The following LRRC7 variants were observed in gnomAD, a reference collection of about 807,000 sequenced individuals.
LRRC7 encodes the protein leucine rich repeat containing 7, also known as leucine-rich repeat-containing protein 7.
Under a neutral mutation model 175.7 loss-of-function variants are expected in LRRC7, and 23 were observed. The ratio of observed to expected loss-of-function variants is 0.13; its 90% CI spans 0.09 to 0.19. The LOEUF is 0.19. LRRC7 is among the 10% of genes least tolerant of loss of function. The pLI, the probability that LRRC7 is intolerant of heterozygous loss-of-function variation, is 1.00. For missense variants in LRRC7, 1,354 were observed against 1,904.7 expected, an observed-to-expected ratio of 0.71 and a Z score of 5.38; for synonymous variants, 685 against 680.9, an observed-to-expected ratio of 1.01 and a Z score of -0.09.
At chr1:70,057,801 TC>T (rs1661267128) in intron 23 of LRRC7, among the ~76,000 whole-genome samples, 1 of 152,146 alleles carries the variant, frequency 6.6e-6, no homozygotes, top group Admixed American at 6.5e-5. Context: ...AAGCTGTGGA[TC>T]CAAAACCTTA....
intron 7 of LRRC7, among the ~76,000 whole-genome samples, chr1:69,854,679 G>A (rs1683384123): frequency 6.6e-6 from 1 of 152,102 alleles, no homozygotes; most frequent in African/African-American, 2.4e-5. Flanking sequence ...GTAAAAATGA[G>A]TATTCCTTTG....
At chr1:69,660,455 G>C (rs556545633) in intron 1 of LRRC7, among the ~76,000 whole-genome samples, 1 of 151,906 alleles carries the variant, frequency 6.6e-6, no homozygotes, top group Admixed American at 6.6e-5. Flanking sequence ...CAATGAATTC[G>C]GCAAAAACGT....
At chr1:69,683,573 G>C (rs1023829231) in intron 2 of LRRC7, among the ~76,000 whole-genome samples, 3 of 152,078 alleles carry the variant, frequency 2.0e-5, no homozygotes, top group African/African-American at 7.2e-5. Context: ...AGAAAAATAT[G>C]TATTTTGAAA....
At position 69,858,032 on chromosome 1, in the gene LRRC7, T is replaced by A. The variant is rs1370605798; in HGVS notation, c.647+19749T>A. On this transcript the variant is annotated intron_variant, in intron 7 of 26. Transcript: ENST00000651989. Reference sequence around the variant, plus strand: ...GGGAAAGGATTCCCTATTTAATAAATGGTGCTGGGAAAACTGGCTAGCCAT... The same window carrying A: ...GGGAAAGGATTCCCTATTTAATAAAAGGTGCTGGGAAAACTGGCTAGCCAT... Among the ~76,000 whole-genome samples the A allele has an allele frequency of 2.6e-5, 4 of 152,250 alleles. No homozygotes were observed. The East Asian group carries it at 7.7e-4, about 29-fold the overall frequency.
At chr1:69,946,187 G>GGA (rs1649291662) in intron 8 of LRRC7, among the ~76,000 whole-genome samples, 1 of 152,084 alleles carries the variant, frequency 6.6e-6, no homozygotes, top group Non-Finnish European at 1.5e-5. Context: ...TCATGAAAAG[G>GGA]TGTTGAATTT....
intron 11 of LRRC7, 124 bp downstream of exon 11, chr1:69,994,757 AT>A (rs1654769007): frequency 1.8e-6 from 1 of 562,842 alleles, no homozygotes; most frequent in Non-Finnish European, 3.1e-6. Flanking sequence ...CTGTCAGCTT[AT>A]TTTAAACCAT....
chr1:70,081,401 G>C (rs1009177357), intron 24 of LRRC7, among the ~76,000 whole-genome samples: 10 of 152,208 alleles, frequency 6.6e-5, no homozygotes, highest in African/African-American at 2.2e-4. Flanking sequence ...ACATCAGCAT[G>C]ATGCTTCAAA....
chr1:69,936,890 G>A (rs1363761220), intron 8 of LRRC7, among the ~76,000 whole-genome samples: 1 of 152,076 alleles, frequency 6.6e-6, no homozygotes, highest in Non-Finnish European at 1.5e-5. Flanking sequence ...TTGTTGCAAA[G>A]GAGATGATTT....
chr1:69,838,416 A>G (rs531403624), intron 7 of LRRC7, 133 bp downstream of exon 7: 1 of 667,528 alleles, frequency 1.5e-6, no homozygotes, highest in Non-Finnish European at 2.7e-6. Context: ...AAGGCCAAAA[A>G]GTATGGTATA....
At chr1:69,870,925 A>C (rs945785508) in intron 7 of LRRC7, among the ~76,000 whole-genome samples, 3 of 152,174 alleles carry the variant, frequency 2.0e-5, no homozygotes, top group Non-Finnish European at 4.4e-5. Context: ...TAGCTTGAAC[A>C]CAATTGCATG....
chr1:69,855,104 T>G (rs1335961416), intron 7 of LRRC7, among the ~76,000 whole-genome samples: 1 of 152,178 alleles, frequency 6.6e-6, no homozygotes, highest in Non-Finnish European at 1.5e-5. Context: ...GGTTGTTAAG[T>G]TTGCAGAGGG....
At chr1:69,661,772 T>G (rs1481915958) in intron 1 of LRRC7, among the ~76,000 whole-genome samples, 1 of 152,212 alleles carries the variant, frequency 6.6e-6, no homozygotes, top group Non-Finnish European at 1.5e-5. Flanking sequence ...GTCATTTATA[T>G]TCTATGTATG....
intron 2 of LRRC7, among the ~76,000 whole-genome samples, chr1:69,742,646 G>T (rs975677917): frequency 1.3e-5 from 2 of 151,792 alleles, no homozygotes; most frequent in South Asian, 2.1e-4. Flanking sequence ...ACTAAATTTT[G>T]CAGTAGCATG....
chr1:69,678,409 C>T lies in LRRC7; in HGVS notation c.31C>T (p.Pro11Ser), dbSNP rs760998348. Reference sequence around the variant, plus strand: ...GGAGAACCTAATAAGGGGAAGGAATCCCCCGCAATACCAGAGAAGTCCTTG... The same window carrying T: ...GGAGAACCTAATAAGGGGAAGGAATTCCCCGCAATACCAGAGAAGTCCTTG... Reference protein sequence around the residue: MMENLIRGRNPPQYQRSPCKE... With the variant: MMENLIRGRNSPQYQRSPCKE... Residue 11 changes from proline (P) to serine (S), a missense_variant, in exon 2 of 27, where the codon CCC becomes TCC. Physicochemically the swap from Pro to Ser is moderately conservative, Grantham distance 74. Transcript: ENST00000651989. The T allele has an allele frequency of 6.2e-7, 1 of 1,601,896 alleles. No homozygotes were observed.
chr1:69,702,694 G>A lies in LRRC7; in HGVS notation c.100+24216G>A, dbSNP rs1427861887. ...AAGTATCCAATCAAGAATAAGTGTG[G>A]TAGAGAGGGGGACCTAAAAGACAAA... On this transcript the variant is annotated intron_variant, in intron 2 of 26. Transcript: ENST00000651989. 3.9e-5 allele frequency among the ~76,000 whole-genome samples: 6 copies of A among 152,096 alleles called. No individual in the cohort carries two copies. In the East Asian group the frequency reaches 1.2e-3, roughly 29 times the overall value.
intron 26 of LRRC7, among the ~76,000 whole-genome samples, chr1:70,118,773 C>T (rs919555809): frequency 1.3e-5 from 2 of 152,104 alleles, no homozygotes; most frequent in African/African-American, 4.8e-5. Context: ...AGGTTTCACA[C>T]TGGGCTTTCA....
At chr1:70,045,385 A>C (rs1232571870) in intron 22 of LRRC7, among the ~76,000 whole-genome samples, 1 of 152,178 alleles carries the variant, frequency 6.6e-6, no homozygotes, top group East Asian at 1.9e-4. Context: ...AGAATTGGGA[A>C]GATTCACGTG....
At chr1:69,727,277 GA>G (rs1259109678) in intron 2 of LRRC7, among the ~76,000 whole-genome samples, 1 of 152,158 alleles carries the variant, frequency 6.6e-6, no homozygotes, top group Non-Finnish European at 1.5e-5. Context: ...AGGGATCTGG[GA>G]TGGTCAGCAC....
chr1:69,729,595 G>A (rs1009670093), intron 2 of LRRC7, among the ~76,000 whole-genome samples: 1 of 152,188 alleles, frequency 6.6e-6, no homozygotes, highest in Admixed American at 6.5e-5. Context: ...GATGATGCAA[G>A]AGATAGGCTC....
Sources: allele counts gnomAD v4.1 joint callset (sites outside exome capture counted in the v4.1 genomes callset), GRCh38; gene constraint gnomAD v4.1.1; transcripts MANE v1.5; gene names NCBI Gene and HGNC (gene_info 2026-07-23, HGNC 2026-07-21).